The following KCNQ5 variants were observed in gnomAD, a reference collection of about 807,000 sequenced individuals.
The protein encoded by KCNQ5 is potassium voltage-gated channel subfamily KQT member 5.
KCNQ5 carries 30 observed loss-of-function variants against 98.2 expected under a neutral mutation model. That is an observed-to-expected ratio of 0.31 (90% CI 0.23 to 0.41). KCNQ5 has a LOEUF of 0.41. Among genes scored for constraint, KCNQ5 ranks in the 10% least tolerant of loss-of-function variants. The pLI, the probability that KCNQ5 is intolerant of heterozygous loss-of-function variation, is 1.00. For missense variants in KCNQ5, 835 were observed against 1,182.5 expected (o/e 0.71, Z 4.31); for synonymous variants, 458 against 449.4 (o/e 1.02, Z -0.24).
intron 8 of KCNQ5, among the ~76,000 whole-genome samples, chr6:73,121,221 C>G (rs1014221980): frequency 1.3e-5 from 2 of 151,892 alleles, no homozygotes; most frequent in African/African-American, 4.8e-5. Flanking sequence ...CTCAGCCATG[C>G]CTAAACTCAA....
At chr6:72,947,076 C>G (rs944695972) in intron 1 of KCNQ5, among the ~76,000 whole-genome samples, 21 of 152,224 alleles carry the variant, frequency 1.4e-4, no homozygotes, top group African/African-American at 4.8e-4. Flanking sequence ...AGCCTTTGAA[C>G]CTCAGTATTA....
At chr6:72,855,589 G>A (rs1257320276) in intron 1 of KCNQ5, among the ~76,000 whole-genome samples, 1 of 152,106 alleles carries the variant, frequency 6.6e-6, no homozygotes, top group Non-Finnish European at 1.5e-5. Flanking sequence ...AAGACACCAA[G>A]GAAATGATGT....
intron 5 of KCNQ5, among the ~76,000 whole-genome samples, chr6:73,082,088 G>A (rs747814673): frequency 3.9e-5 from 6 of 152,126 alleles, no homozygotes; most frequent in Non-Finnish European, 5.9e-5. Flanking sequence ...TCTGCAAGAC[G>A]CCTTCAAATA....
At chr6:73,173,850 A>G (rs1348744573) in intron 11 of KCNQ5, among the ~76,000 whole-genome samples, 1 of 152,076 alleles carries the variant, frequency 6.6e-6, no homozygotes, top group Non-Finnish European at 1.5e-5. Context: ...ACAACTGCAT[A>G]TTTATGGAAG....
intron 1 of KCNQ5, among the ~76,000 whole-genome samples, chr6:72,670,736 G>A (rs1767061382): frequency 6.6e-6 from 1 of 152,206 alleles, no homozygotes; most frequent in Non-Finnish European, 1.5e-5. Flanking sequence ...GAGAGAGACA[G>A]TATGAGATCT....
At chr6:72,883,708 C>T (rs1227882622) in intron 1 of KCNQ5, among the ~76,000 whole-genome samples, 2 of 151,986 alleles carry the variant, frequency 1.3e-5, no homozygotes, top group African/African-American at 2.4e-5. Flanking sequence ...TGCTACCTGC[C>T]GGAAAATCTT....
chr6:73,020,299 T>C (rs1486245937), intron 2 of KCNQ5, among the ~76,000 whole-genome samples: 3 of 152,012 alleles, frequency 2.0e-5, no homozygotes, highest in African/African-American at 7.2e-5. Flanking sequence ...GACCTTCTCC[T>C]TGGGCTCAAT....
chr6:73,040,083 T>C (rs1275676401), intron 2 of KCNQ5, among the ~76,000 whole-genome samples: 1 of 152,090 alleles, frequency 6.6e-6, no homozygotes, highest in Non-Finnish European at 1.5e-5. Flanking sequence ...AAAGAACTTG[T>C]AAATGTACTT....
At chr6:73,088,381 C>T (rs1428075282) in intron 5 of KCNQ5, among the ~76,000 whole-genome samples, 1 of 152,144 alleles carries the variant, frequency 6.6e-6, no homozygotes, top group East Asian at 1.9e-4. Flanking sequence ...TTGTGAAACT[C>T]TCCATTCTCT....
At chr6:73,176,784 T>C (rs1010062133) in intron 11 of KCNQ5, among the ~76,000 whole-genome samples, 1 of 152,146 alleles carries the variant, frequency 6.6e-6, no homozygotes, top group Non-Finnish European at 1.5e-5. Flanking sequence ...TGGTGCATTA[T>C]TGTGAGTGTT....
intron 1 of KCNQ5, among the ~76,000 whole-genome samples, chr6:72,780,710 A>G (rs186111535): frequency 2.0e-5 from 3 of 152,340 alleles, no homozygotes; most frequent in Middle Eastern, 3.4e-3. Context: ...CTGGTAATCA[A>G]CTGGATAACA....
chr6:73,112,940 ATTTTTTTACATTATTTTTTACAATTTTT>A (rs1432452672), intron 7 of KCNQ5, among the ~76,000 whole-genome samples: 5 of 142,442 alleles, frequency 3.5e-5, no homozygotes, highest in African/African-American at 7.6e-5. Context: ...GAGAATCTCT[ATTTTTTTACATTATTTTTTACAATTTTT>A]TTTTTTTACA....
intron 2 of KCNQ5, 92 bp from the exon 3 acceptor site, chr6:73,041,844 A>G (rs1472954661): frequency 7.2e-7 from 1 of 1,385,106 alleles, no homozygotes; most frequent in Non-Finnish European, 1.0e-6. Flanking sequence ...CCTTTAGACA[A>G]AGTGCCTAAA....
intron 1 of KCNQ5, among the ~76,000 whole-genome samples, chr6:72,824,526 A>G (rs900246556): frequency 3.3e-5 from 5 of 152,124 alleles, no homozygotes; most frequent in African/African-American, 1.2e-4. Context: ...AGAGCCTGCA[A>G]AATTAACCTG....
intron 1 of KCNQ5, among the ~76,000 whole-genome samples, chr6:72,995,140 G>A (rs567483293): frequency 1.3e-5 from 2 of 152,098 alleles, no homozygotes; most frequent in Admixed American, 6.5e-5. Flanking sequence ...AAGCCAAGGC[G>A]AGTGGATCAC....
At chr6:72,638,140 C>T (rs1440047982) in intron 1 of KCNQ5, among the ~76,000 whole-genome samples, 1 of 152,162 alleles carries the variant, frequency 6.6e-6, no homozygotes, top group African/African-American at 2.4e-5. Flanking sequence ...TTGTGCCAAT[C>T]GTGTGGACTC....
At chr6:73,014,657 G>C (rs1211470161) in intron 2 of KCNQ5, among the ~76,000 whole-genome samples, 1 of 152,028 alleles carries the variant, frequency 6.6e-6, no homozygotes, top group African/African-American at 2.4e-5. Flanking sequence ...ACTCAATTTA[G>C]GCAGGTCTAA....
chr6:72,900,666 C>T (rs1445519351), intron 1 of KCNQ5, among the ~76,000 whole-genome samples: 4 of 151,726 alleles, frequency 2.6e-5, no homozygotes, highest in African/African-American at 9.7e-5. Context: ...TGGGTAGATA[C>T]CCAGTAGTGG....
chr6:72,635,643 AT>A (rs1460842888), intron 1 of KCNQ5, among the ~76,000 whole-genome samples: 6 of 43,848 alleles, frequency 1.4e-4, no homozygotes, highest in African/African-American at 5.5e-4. Flanking sequence ...GTCTTATTGT[AT>A]TTTTCTTCCA....
Sources: allele counts gnomAD v4.1 joint callset (sites outside exome capture counted in the v4.1 genomes callset), GRCh38; gene constraint gnomAD v4.1.1; transcripts MANE v1.5; gene names NCBI Gene and HGNC (gene_info 2026-07-23, HGNC 2026-07-21).